The following SMG6 variants were observed in gnomAD, a reference collection of about 807,000 sequenced individuals.
The protein encoded by SMG6 is telomerase-binding protein EST1A.
SMG6 carries 66 observed loss-of-function variants against 142.2 expected under a neutral mutation model. The observed-to-expected ratio is 0.46, with a 90% CI of 0.38 to 0.57. SMG6 has a LOEUF of 0.57. SMG6 is among the 20% of genes least tolerant of loss of function. The pLI is 0.00. For synonymous variants in SMG6, 779 were observed against 702.4 expected (o/e 1.11, Z -1.72); for missense variants, 1,793 against 1,832.0 (o/e 0.98, Z 0.39).
chr17:2,246,582 A>G (rs1326873231), intron 8 of SMG6, among the ~76,000 whole-genome samples: 2 of 152,238 alleles, frequency 1.3e-5, no homozygotes, highest in Non-Finnish European at 2.9e-5. Flanking sequence ...AAAAGCTCAG[A>G]ATATTTCATT....
chr17:2,105,821 T>C (rs1304957281), intron 13 of SMG6, among the ~76,000 whole-genome samples: 1 of 152,208 alleles, frequency 6.6e-6, no homozygotes, highest in Non-Finnish European at 1.5e-5. Context: ...TGAATGAATA[T>C]AGGAAACTAG....
At chr17:2,115,320 A>G (rs1011211452) in intron 13 of SMG6, among the ~76,000 whole-genome samples, 2 of 152,208 alleles carry the variant, frequency 1.3e-5, no homozygotes, top group African/African-American at 4.8e-5. Flanking sequence ...GACTGGCCCT[A>G]GTAAGGATGA....
At chr17:2,288,047 C>T (rs537946754) in intron 6 of SMG6, among the ~76,000 whole-genome samples, 3 of 152,328 alleles carry the variant, frequency 2.0e-5, no homozygotes, top group South Asian at 4.1e-4. Flanking sequence ...GGCATGGTGG[C>T]TCACGCCTGT....
intron 12 of SMG6, among the ~76,000 whole-genome samples, chr17:2,175,378 C>T (rs1374266640): frequency 3.3e-5 from 5 of 151,954 alleles, no homozygotes; most frequent in South Asian, 4.1e-4. Flanking sequence ...CAGAGAGAGG[C>T]GGCCGAAAAT....
intron 15 of SMG6, among the ~76,000 whole-genome samples, chr17:2,079,329 G>C (rs2068345792): frequency 6.6e-6 from 1 of 152,218 alleles, no homozygotes; most frequent in South Asian, 2.1e-4. Flanking sequence ...AATAACGGTA[G>C]AAACAGAATT....
chr17:2,253,188 C>A (rs920709932), intron 8 of SMG6, among the ~76,000 whole-genome samples: 9 of 151,828 alleles, frequency 5.9e-5, no homozygotes, highest in Non-Finnish European at 1.2e-4. Context: ...GTCACCCAGG[C>A]TGGAGTGCAG....
In SMG6 at chr17:2,282,721, G is replaced by A. The variant is rs375743887; in HGVS notation, c.2587C>T (p.Arg863Trp). The A allele has an allele frequency of 2.2e-5, 35 of 1,614,052 alleles. 1 individual carries two copies. The highest frequency in any genetic ancestry group is 1.6e-4 in the Middle Eastern group (1 of 6,084). ...LEIWIHPSHP[R>W]SSQGTESGKD... ...CCAGACTCAGTGCCCTGGGAAGACC[G>A]TGGATGGGATGGATGAATCCAGATC... The change falls in exon 8 of 19, where the codon CGG becomes TGG. Residue 863 changes from arginine (R) to tryptophan (W), a missense_variant. Physicochemically the swap from Arg to Trp is moderately radical, Grantham distance 101. Around this residue, in one of 3 missense-constraint regions of SMG6, gnomAD observed 1,597 missense variants for 1,584.6 expected, o/e 1.01. Transcript: ENST00000263073.
At chr17:2,161,919 A>T (rs908990186) in intron 13 of SMG6, among the ~76,000 whole-genome samples, 2 of 152,186 alleles carry the variant, frequency 1.3e-5, no homozygotes, top group African/African-American at 4.8e-5. Flanking sequence ...GAGTCCCTTT[A>T]AATATCTATG....
At chr17:2,079,127 C>T (rs1340316693) in intron 15 of SMG6, among the ~76,000 whole-genome samples, 3 of 152,096 alleles carry the variant, frequency 2.0e-5, no homozygotes, top group African/African-American at 4.8e-5. Context: ...CCACACCCGG[C>T]TCACTTTTGT....
chr17:2,261,456 ATTTCT>A (rs1237867556), intron 8 of SMG6, among the ~76,000 whole-genome samples: 2 of 152,146 alleles, frequency 1.3e-5, no homozygotes, highest in African/African-American at 4.8e-5. Flanking sequence ...TTTTTGGAAG[ATTTCT>A]TTTAACTCTG....
chr17:2,127,391 AT>A, intron 13 of SMG6: 1 of 662,886 alleles, frequency 1.5e-6, no homozygotes, highest in Non-Finnish European at 2.8e-6. Flanking sequence ...GAAATGGTAA[AT>A]CCTTTTCCCC....
At chr17:2,246,904 C>T (rs1412496310) in intron 8 of SMG6, among the ~76,000 whole-genome samples, 1 of 152,204 alleles carries the variant, frequency 6.6e-6, no homozygotes, top group Non-Finnish European at 1.5e-5. Flanking sequence ...CAAGATCATA[C>T]CATTGCACTC....
At position 2,085,176 on chromosome 17, in the gene SMG6, G is replaced by A. The variant is rs2068524390; in HGVS notation, c.3534+549C>T. Among the ~76,000 whole-genome samples the A allele has an allele frequency of 6.6e-6, 1 of 151,808 alleles. No homozygotes were observed. On this transcript the variant is annotated intron_variant, in intron 14 of 18. Transcript: ENST00000263073. This position sits in a 1 kb window ranked among gnomAD's most constrained non-coding sequence, Gnocchi z 4.1. ...CACACACACACAGACACACACACAC[G>A]AGTCTGGAGTGAAGCAAGGGCTACA...
intron 13 of SMG6, among the ~76,000 whole-genome samples, chr17:2,109,164 T>G (rs1466710747): frequency 6.6e-6 from 1 of 152,164 alleles, no homozygotes; most frequent in Non-Finnish European, 1.5e-5. Context: ...AGCATTAGAG[T>G]TGACAGTATC....
At chr17:2,160,251 A>T (rs1388799395) in intron 13 of SMG6, among the ~76,000 whole-genome samples, 2 of 152,054 alleles carry the variant, frequency 1.3e-5, no homozygotes, top group Non-Finnish European at 2.9e-5. Context: ...GACAGATCTC[A>T]CTCTATTGCC....
At chr17:2,268,911 C>CA (rs150180102) in intron 8 of SMG6, among the ~76,000 whole-genome samples, 76 of 106,114 alleles carry the variant, frequency 7.2e-4, no homozygotes, top group South Asian at 1.3e-3. Context: ...GACTTCGTCT[C>CA]AAAAAAAAAA....
At chr17:2,296,065 G>T (rs1277756870) in intron 4 of SMG6, among the ~76,000 whole-genome samples, 1 of 151,934 alleles carries the variant, frequency 6.6e-6, no homozygotes, top group African/African-American at 2.4e-5. Context: ...TCACCAATTT[G>T]CCCAAGTGAC....
intron 10 of SMG6, among the ~76,000 whole-genome samples, chr17:2,199,122 G>A (rs1265591385): frequency 2.0e-5 from 3 of 152,086 alleles, no homozygotes; most frequent in Non-Finnish European, 4.4e-5. Flanking sequence ...GAAAGATGAC[G>A]AATGAATTGC....
chr17:2,245,024 GCT>G, intron 8 of SMG6: 1 of 323,370 alleles, frequency 3.1e-6, no homozygotes, highest in East Asian at 5.5e-5. Context: ...GGTGCCCACA[GCT>G]CTCTGAGGAT....
Sources: gnomAD v4.1 joint callset for allele counts (sites outside exome capture counted in the v4.1 genomes callset) on GRCh38, gnomAD v4.1.1 for gene constraint, gnomAD v4.1.1 regional missense constraint, Gnocchi (gnomAD v3.1) non-coding constraint, MANE v1.5 for transcripts, NCBI Gene and HGNC (gene_info 2026-07-23, HGNC 2026-07-21) for gene names.